The following ACOT7 variants were observed in gnomAD, a reference collection of about 807,000 sequenced individuals.
ACOT7 encodes the protein acyl-CoA thioesterase 7, also known as cytosolic acyl coenzyme A thioester hydrolase.
A neutral mutation model predicts 40.2 loss-of-function variants in ACOT7; 12 were observed. The ratio of observed to expected loss-of-function variants is 0.30; its 90% confidence interval spans 0.19 to 0.48. ACOT7 has a LOEUF of 0.48. Among genes scored for constraint, ACOT7 ranks in the 20% least tolerant of loss-of-function variants. ACOT7 has a pLI of 0.99. For synonymous variants in ACOT7, 228 were observed against 219.5 expected (o/e 1.04, Z -0.34); for missense variants, 395 against 530.8 (o/e 0.74, Z 2.51).
chr1:6,351,831 C>T lies in ACOT7; in HGVS notation c.144-1965G>A, dbSNP rs141729501. Reference sequence around the variant, plus strand: ...ACGCGGGCCAAGGGCTGCAGAGCAGCGGAGGAAGTGCTTTCATGCGGTGGG... The same window carrying T: ...ACGCGGGCCAAGGGCTGCAGAGCAGTGGAGGAAGTGCTTTCATGCGGTGGG... On this transcript the variant is annotated intron_variant, in intron 1 of 8. Transcript: ENST00000361521. Among the ~76,000 whole-genome samples, 173 of 152,322 alleles carry T rather than the reference C, an allele frequency of 1.1e-3. 1 individual carries two copies. Among genetic ancestry groups the T allele is most frequent in the African/African-American group, 3.9e-3 (163 of 41,568 alleles).
In ACOT7 at chr1:6,358,705, A is replaced by C; in HGVS notation, c.144-8839T>G. 1 of 1,024,808 alleles carries C rather than the reference A, an allele frequency of 9.8e-7. No homozygotes were observed. The highest frequency in any genetic ancestry group is 1.5e-6 in the Non-Finnish European group (1 of 678,574). 63.5% of individuals were successfully genotyped at this position (1,024,808 alleles called of 1,614,324 possible). A position where few individuals can be genotyped will look rare whatever the true frequency, so the allele number is the denominator to read the frequency against. ...CTGCCCTTCCTGGCTGCATGACACC[A>C]GCCAGCCTGCTGGGCACAGGGGCCG... On this transcript the variant is annotated intron_variant, in intron 1 of 8. Transcript: ENST00000361521. The surrounding 1 kb of genome is among the most constrained non-coding windows in gnomAD (Gnocchi z 4.1).
chr1:6,363,090 T>C (rs181834937), intron 1 of ACOT7, among the ~76,000 whole-genome samples: 66 of 152,326 alleles, frequency 4.3e-4, no homozygotes, highest in African/African-American at 1.2e-3. Flanking sequence ...TACTCTTTAT[T>C]CCAATATTAT....
chr1:6,393,450 G>A lies in ACOT7; in HGVS notation c.-51C>T, dbSNP rs1447989229. On this transcript the variant is annotated 5_prime_UTR_variant, in exon 1 of 9. Coordinates refer to ENST00000361521, the MANE Select transcript of ACOT7 (RefSeq NM_007274.4). Reference sequence around the variant, plus strand: ...ATGGGGCTGGTGAGGCGGGGCCTGCGCGCCGGGGGCAATCGAACGCGGCCT... The same window carrying A: ...ATGGGGCTGGTGAGGCGGGGCCTGCACGCCGGGGGCAATCGAACGCGGCCT... 1.9e-6 allele frequency: 2 copies of A among 1,062,566 alleles called. No individual in the cohort carries two copies. The highest frequency in any genetic ancestry group is 7.9e-5 in the East Asian group (2 of 25,264). 65.8% of individuals were successfully genotyped at this position (1,062,566 alleles called of 1,614,324 possible).
At chr1:6,341,666 C>T (rs979325521) in intron 2 of ACOT7, among the ~76,000 whole-genome samples, 3 of 152,100 alleles carry the variant, frequency 2.0e-5, no homozygotes, top group Non-Finnish European at 2.9e-5. Flanking sequence ...GGCGTGAACC[C>T]GGGAGGCGGA....
In ACOT7 at chr1:6,323,007, G is replaced by A. The variant is rs549694402; in HGVS notation, c.625+4292C>T. 4.6e-5 allele frequency among the ~76,000 whole-genome samples: 7 copies of A among 152,220 alleles called. No homozygotes were observed. The East Asian group carries it at 9.7e-4, about 21-fold the overall frequency. On this transcript the variant is annotated intron_variant, in intron 5 of 8. Transcript: ENST00000361521. ...TAGCCAGGCATGGTGGCGGGTGCCT[G>A]TAATCTCAGCTACTTGGGAGGCTAA...
At chr1:6,342,382 C>T (rs1373814695) in intron 2 of ACOT7, among the ~76,000 whole-genome samples, 2 of 152,198 alleles carry the variant, frequency 1.3e-5, no homozygotes, top group Admixed American at 6.5e-5. Flanking sequence ...GACACGAACA[C>T]TCAGACGGTG....
In ACOT7 at chr1:6,264,509, T is replaced by G; in HGVS notation, c.*88A>C. 3.1e-6 allele frequency: 4 copies of G among 1,284,710 alleles called. No individual in the cohort carries two copies. The highest frequency in any genetic ancestry group is 3.2e-6 in the Non-Finnish European group (3 of 933,394). The allele number at this position is 1,284,710 out of a possible 1,614,324, so 79.6% of individuals were successfully genotyped here. Reference sequence around the variant, plus strand: ...ACACCAGCTCTCAATGTGAATTGGGTTTTTGGCCAAGGGGGGAACTTCTAA... The same window carrying G: ...ACACCAGCTCTCAATGTGAATTGGGGTTTTGGCCAAGGGGGGAACTTCTAA... On this transcript the variant is annotated 3_prime_UTR_variant, in exon 9 of 9. Coordinates refer to ENST00000361521, the MANE Select transcript of ACOT7 (RefSeq NM_007274.4).
intron 4 of ACOT7, among the ~76,000 whole-genome samples, chr1:6,328,609 G>A (rs1024727888): frequency 5.3e-5 from 8 of 152,142 alleles, no homozygotes; most frequent in Non-Finnish European, 7.3e-5. Context: ...TTGAATCCGG[G>A]AGATGGAGGT....
At position 6,359,209 on chromosome 1, in the gene ACOT7, C is replaced by T. The variant is rs192157793; in HGVS notation, c.144-9343G>A. 2 of 203,336 alleles carry T rather than the reference C, an allele frequency of 9.8e-6. No homozygotes were observed. The highest frequency in any genetic ancestry group is 1.4e-4 in the East Asian group (1 of 7,140). 12.6% of individuals were successfully genotyped at this position (203,336 alleles called of 1,614,324 possible). Reference sequence around the variant, plus strand: ...CTGCCTTCTCTGACAGGGCACAAGACCCCCTAGTCTTTCTCCAGGGTCTCA... The same window carrying T: ...CTGCCTTCTCTGACAGGGCACAAGATCCCCTAGTCTTTCTCCAGGGTCTCA... On this transcript the variant is annotated intron_variant, in intron 1 of 8. Coordinates refer to ENST00000361521, the MANE Select transcript of ACOT7 (RefSeq NM_007274.4). The surrounding 1 kb of genome is among the most constrained non-coding windows in gnomAD (Gnocchi z 4.1).
chr1:6,267,488 T>TGC (rs1557622279), intron 8 of ACOT7, among the ~76,000 whole-genome samples: 2 of 151,446 alleles, frequency 1.3e-5, no homozygotes, highest in African/African-American at 4.9e-5. Context: ...TGCCTGCCTG[T>TGC]CTGTGTCTGC....
rs551756370 is a variant in ACOT7 at position 6,317,236 on chromosome 1, GT to G, written c.712+1255del. On this transcript the variant is annotated intron_variant, in intron 6 of 8. Coordinates refer to ENST00000361521, the MANE Select transcript of ACOT7 (RefSeq NM_007274.4). The stretch of plus-strand genomic sequence containing the variant: ...TTCACTATGATCTTATCTCCTTGAC[GT>G]TTTTCTTCAACCAACTTGTTTTTAA... 3.4e-4 allele frequency among the ~76,000 whole-genome samples: 51 copies of G among 152,178 alleles called. No homozygotes were observed. In the South Asian group the frequency reaches 1.0e-2, roughly 30 times the overall value.
chr1:6,336,502 G>C (rs1463116678), intron 3 of ACOT7, among the ~76,000 whole-genome samples: 2 of 152,204 alleles, frequency 1.3e-5, no homozygotes, highest in Non-Finnish European at 2.9e-5. Flanking sequence ...GCCTGGGCCT[G>C]TGCTCGCTCA....
intron 1 of ACOT7, among the ~76,000 whole-genome samples, chr1:6,388,653 T>C (rs1019589754): frequency 3.1e-5 from 4 of 130,830 alleles, no homozygotes; most frequent in Non-Finnish European, 4.8e-5. Context: ...GAGAGGAGAA[T>C]TGCTTGAACT....
At chr1:6,285,454 C>T (rs886685645) in intron 7 of ACOT7, among the ~76,000 whole-genome samples, 2 of 152,254 alleles carry the variant, frequency 1.3e-5, no homozygotes, top group African/African-American at 2.4e-5. Context: ...GGGGCAGTCA[C>T]GTGCTGGCCG....
At chr1:6,321,469 A>T (rs1640643171) in intron 5 of ACOT7, among the ~76,000 whole-genome samples, 1 of 152,138 alleles carries the variant, frequency 6.6e-6, no homozygotes, top group South Asian at 2.1e-4. Context: ...CTCAAGACAC[A>T]TGTGGGTGTG....
intron 4 of ACOT7, among the ~76,000 whole-genome samples, chr1:6,333,081 G>A (rs1364685533): frequency 6.6e-6 from 1 of 152,186 alleles, no homozygotes; most frequent in Admixed American, 6.5e-5. Flanking sequence ...CTCCCGAAAG[G>A]ACATGTCACT....
intron 1 of ACOT7, among the ~76,000 whole-genome samples, chr1:6,356,035 C>G (rs1281741698): frequency 6.6e-6 from 1 of 152,210 alleles, no homozygotes; most frequent in Non-Finnish European, 1.5e-5. Context: ...AACGAACCCC[C>G]AGAAACTATG....
rs1032452568 is a variant in ACOT7 at position 6,307,881 on chromosome 1, C to T, written c.712+10611G>A. Among the ~76,000 whole-genome samples the T allele has an allele frequency of 1.9e-3, 288 of 150,698 alleles. 1 individual carries two copies. Among genetic ancestry groups the T allele is most frequent in the Non-Finnish European group, 5.8e-4 (39 of 67,786 alleles). ...AACCACAAACAGGCAGAGGGAACCA[C>T]AACCAGACAGAGGGAACTACAACTG... On this transcript the variant is annotated intron_variant, in intron 6 of 8. Coordinates refer to ENST00000361521, the MANE Select transcript of ACOT7 (RefSeq NM_007274.4).
At chr1:6,381,596 T>C (rs2148480291) in intron 1 of ACOT7, among the ~76,000 whole-genome samples, 1 of 151,888 alleles carries the variant, frequency 6.6e-6, no homozygotes, top group South Asian at 2.1e-4. Context: ...AAATGTAAAA[T>C]GGCATAGCCG....
Sources: gnomAD v4.1 joint callset for allele counts (sites outside exome capture counted in the v4.1 genomes callset) on GRCh38, gnomAD v4.1.1 for gene constraint, Gnocchi (gnomAD v3.1) non-coding constraint, MANE v1.5 for transcripts, NCBI Gene and HGNC (gene_info 2026-07-23, HGNC 2026-07-21) for gene names.